Variants in FARS2 observed in about 807,000 individuals in gnomAD.
The protein encoded by FARS2 is phenylalanyl-tRNA synthetase 2, mitochondrial.
Under a neutral mutation model 46.4 loss-of-function variants are expected in FARS2, and 40 were observed. That is an observed-to-expected ratio of 0.86 (90% CI 0.67 to 1.12). The LOEUF is 1.12. FARS2 is among the 50% of genes most tolerant of loss of function. The pLI is 0.00. For missense variants in FARS2, 513 were observed against 567.9 expected (o/e 0.90, Z 0.98); for synonymous variants, 234 against 214.9 (o/e 1.09, Z -0.78).
chr6:5,291,702 G>A (rs1041361058), intron 1 of FARS2, among the ~76,000 whole-genome samples: 7 of 151,692 alleles, frequency 4.6e-5, no homozygotes, highest in African/African-American at 7.3e-5. Context: ...AGGCTAAAGT[G>A]AGCTGTGATT....
chr6:5,767,953 A>G (rs1482163591), intron 6 of FARS2, among the ~76,000 whole-genome samples: 1 of 152,172 alleles, frequency 6.6e-6, no homozygotes, highest in African/African-American at 2.4e-5. Flanking sequence ...CAATTTTCTT[A>G]TCTGTTCACT....
chr6:5,341,200 T>G (rs1771544327), intron 1 of FARS2, among the ~76,000 whole-genome samples: 4 of 4,866 alleles, frequency 8.2e-4, no homozygotes, highest in Non-Finnish European at 2.1e-3. Context: ...TATATATATA[T>G]ATATATATAT....
In FARS2 at chr6:5,265,537, G is replaced by C. The variant is rs145318008; in HGVS notation, c.-22+3877G>C. Among the ~76,000 whole-genome samples the C allele has an allele frequency of 1.3e-4, 20 of 152,308 alleles. No homozygotes were observed. The East Asian group carries it at 1.7e-3, about 13-fold the overall frequency. ...CTGATAACCTTTTGTTTCAAATCAT[G>C]ACTTTGAATCCTATATTCCAGAGGC... On this transcript the variant is annotated intron_variant, in intron 1 of 6. Coordinates refer to ENST00000274680, the MANE Select transcript of FARS2 (RefSeq NM_006567.5).
rs146728294 is a variant in FARS2 at position 5,633,202 on chromosome 6, G to T, written c.1217+19882G>T. Among the ~76,000 whole-genome samples, 1,005 of 149,078 alleles carry T rather than the reference G, an allele frequency of 6.7e-3. 11 individuals carry two copies. Among genetic ancestry groups the T allele is most frequent in the African/African-American group, 0.023 (941 of 40,408 alleles). ...TGAACTTGAACTCCTGAACTCAAGG[G>T]ATTCTCCTACCTCAACCTCCTGAGT... is the stretch of plus-strand genomic sequence containing the variant. On this transcript the variant is annotated intron_variant, in intron 6 of 6. Transcript: ENST00000274680.
chr6:5,477,697 G>A (rs751700212), intron 4 of FARS2, among the ~76,000 whole-genome samples: 15 of 152,108 alleles, frequency 9.9e-5, no homozygotes, highest in Non-Finnish European at 1.6e-4. Flanking sequence ...GATATCTTTT[G>A]AGGAGTAAGC....
At chr6:5,375,918 C>A (rs1759347100) in intron 2 of FARS2, among the ~76,000 whole-genome samples, 1 of 152,016 alleles carries the variant, frequency 6.6e-6, no homozygotes, top group Non-Finnish European at 1.5e-5. Context: ...ATATCATAAA[C>A]ATGAGAATTC....
chr6:5,692,202 C>T (rs1163019213), intron 6 of FARS2, among the ~76,000 whole-genome samples: 1 of 152,228 alleles, frequency 6.6e-6, no homozygotes, highest in Non-Finnish European at 1.5e-5. Context: ...GTTCTGCACC[C>T]ACTGTCCGAC....
chr6:5,425,762 C>A (rs910027207), intron 3 of FARS2, among the ~76,000 whole-genome samples: 1 of 152,200 alleles, frequency 6.6e-6, no homozygotes, highest in Non-Finnish European at 1.5e-5. Flanking sequence ...TGCTTCTGGA[C>A]TTTGGGCTCT....
intron 2 of FARS2, among the ~76,000 whole-genome samples, chr6:5,398,588 G>A (rs1055555784): frequency 2.6e-5 from 4 of 152,112 alleles, no homozygotes; most frequent in African/African-American, 9.7e-5. Context: ...ATTAAAGAAT[G>A]GTATTTAGAA....
At chr6:5,682,035 A>G (rs1779059186) in intron 6 of FARS2, among the ~76,000 whole-genome samples, 1 of 152,202 alleles carries the variant, frequency 6.6e-6, no homozygotes, top group South Asian at 2.1e-4. Context: ...GTTCTGCTAA[A>G]AGGACACTTC....
At chr6:5,616,559 A>G (rs904164297) in intron 6 of FARS2, among the ~76,000 whole-genome samples, 2 of 152,224 alleles carry the variant, frequency 1.3e-5, no homozygotes, top group African/African-American at 4.8e-5. Flanking sequence ...GATGGGACCC[A>G]AGTCTAAACA....
intron 1 of FARS2, among the ~76,000 whole-genome samples, chr6:5,280,476 A>G (rs1380204970): frequency 6.6e-6 from 1 of 152,224 alleles, no homozygotes; most frequent in Non-Finnish European, 1.5e-5. Context: ...CCATTGGAAT[A>G]GATTTGGGTG....
intron 3 of FARS2, among the ~76,000 whole-genome samples, chr6:5,428,602 G>A (rs941572174): frequency 6.6e-6 from 1 of 152,182 alleles, no homozygotes; most frequent in African/African-American, 2.4e-5. Flanking sequence ...CAGTCCTTCT[G>A]CACTCACTTC....
At chr6:5,389,276 A>G (rs1760334914) in intron 2 of FARS2, among the ~76,000 whole-genome samples, 1 of 152,010 alleles carries the variant, frequency 6.6e-6, no homozygotes, top group Non-Finnish European at 1.5e-5. Flanking sequence ...GGCGAGTACT[A>G]TTGTTGAGTT....
intron 5 of FARS2, among the ~76,000 whole-genome samples, chr6:5,605,863 A>G (rs1049022289): frequency 6.6e-6 from 1 of 152,224 alleles, no homozygotes; most frequent in African/African-American, 2.4e-5. Context: ...GGGTAAGTAG[A>G]TAAGGAAAAA....
intron 4 of FARS2, among the ~76,000 whole-genome samples, chr6:5,529,716 C>T (rs1769702737): frequency 6.6e-6 from 1 of 152,204 alleles, no homozygotes; most frequent in East Asian, 1.9e-4. Context: ...TTTTTAATGG[C>T]TGAGTAGACA....
At chr6:5,527,843 G>A (rs529891034) in intron 4 of FARS2, among the ~76,000 whole-genome samples, 100 of 152,320 alleles carry the variant, frequency 6.6e-4, no homozygotes, top group African/African-American at 2.1e-3. Flanking sequence ...TTTGCTGAAT[G>A]AAAACTGTTT....
At chr6:5,558,507 A>G (rs1170251610) in intron 5 of FARS2, among the ~76,000 whole-genome samples, 1 of 151,988 alleles carries the variant, frequency 6.6e-6, no homozygotes, top group Non-Finnish European at 1.5e-5. Flanking sequence ...TTCTTTCAAT[A>G]TTAGAGAAGA....
intron 4 of FARS2, among the ~76,000 whole-genome samples, chr6:5,433,963 C>T (rs1365326695): frequency 2.0e-5 from 3 of 152,176 alleles, no homozygotes; most frequent in African/African-American, 7.2e-5. Flanking sequence ...GGCTGCTGTT[C>T]TGCAATTAGA....
Sources: allele counts gnomAD v4.1 joint callset (sites outside exome capture counted in the v4.1 genomes callset), GRCh38; gene constraint gnomAD v4.1.1; transcripts MANE v1.5; gene names NCBI Gene and HGNC (gene_info 2026-07-23, HGNC 2026-07-21).